The following EPHB1 variants were observed in gnomAD, a reference collection of about 807,000 sequenced individuals.
EPHB1 encodes the protein ephrin type-B receptor 1.
Under a neutral mutation model 94.4 loss-of-function variants are expected in EPHB1, and 30 were observed. That is an observed-to-expected ratio of 0.32 (90% CI 0.24 to 0.43). EPHB1 has a LOEUF of 0.43. EPHB1 is among the 20% of genes least tolerant of loss of function. EPHB1 has a pLI of 1.00. For synonymous variants in EPHB1, 522 were observed against 489.1 expected (o/e 1.07, Z -0.89); for missense variants, 1,055 against 1,308.3 (o/e 0.81, Z 2.99).
intron 3 of EPHB1, among the ~76,000 whole-genome samples, chr3:135,032,621 T>C (rs1936514931): frequency 6.6e-6 from 1 of 152,182 alleles, no homozygotes; most frequent in South Asian, 2.1e-4. Context: ...TCTATGTGAG[T>C]GGCGGGGGCT....
intron 6 of EPHB1, among the ~76,000 whole-genome samples, chr3:135,160,879 CAAAG>C (rs1427903871): frequency 6.6e-6 from 1 of 152,032 alleles, no homozygotes; most frequent in Non-Finnish European, 1.5e-5. Flanking sequence ...GCATTTTAGA[CAAAG>C]AAAAGAGCCT....
chr3:134,914,337 A>G (rs995916877), intron 1 of EPHB1, among the ~76,000 whole-genome samples: 4 of 152,260 alleles, frequency 2.6e-5, no homozygotes, highest in Non-Finnish European at 4.4e-5. Context: ...TGCTTGGTAA[A>G]TAATATTTTA....
chr3:135,183,991 C>G (rs1942262624), intron 10 of EPHB1, among the ~76,000 whole-genome samples: 1 of 152,126 alleles, frequency 6.6e-6, no homozygotes, highest in South Asian at 2.1e-4. Flanking sequence ...TCGCTAAAAC[C>G]TTGGAGGTGG....
At chr3:135,142,173 A>G (rs2107690647) in intron 5 of EPHB1, among the ~76,000 whole-genome samples, 1 of 151,944 alleles carries the variant, frequency 6.6e-6, no homozygotes, top group South Asian at 2.1e-4. Flanking sequence ...GTGAAGGGGG[A>G]AGTATTGGGG....
chr3:134,895,026 G>A (rs1184133569), intron 1 of EPHB1, among the ~76,000 whole-genome samples: 1 of 152,174 alleles, frequency 6.6e-6, no homozygotes, highest in East Asian at 1.9e-4. Context: ...CATTGAAACA[G>A]GCTTTTCACT....
chr3:134,987,616 T>C (rs765138272), intron 3 of EPHB1, among the ~76,000 whole-genome samples: 10 of 151,880 alleles, frequency 6.6e-5, no homozygotes, highest in Non-Finnish European at 1.5e-4. Flanking sequence ...AAAATAATAA[T>C]AATAATCAGC....
intron 13 of EPHB1, among the ~76,000 whole-genome samples, chr3:135,246,765 C>CCAGT (rs1261479196): frequency 6.6e-6 from 1 of 152,046 alleles, no homozygotes; most frequent in Non-Finnish European, 1.5e-5. Context: ...GTGAGTACTC[C>CCAGT]CAGTCACTGG....
At chr3:135,035,440 AT>A (rs1253103238) in intron 3 of EPHB1, among the ~76,000 whole-genome samples, 1 of 152,230 alleles carries the variant, frequency 6.6e-6, no homozygotes, top group Non-Finnish European at 1.5e-5. Flanking sequence ...CCAAGCCAGT[AT>A]TTCCAATAAT....
chr3:134,957,206 G>A (rs1933310581), intron 3 of EPHB1, among the ~76,000 whole-genome samples: 1 of 152,130 alleles, frequency 6.6e-6, no homozygotes, highest in African/African-American at 2.4e-5. Context: ...ATCCCCAGTT[G>A]CCTCCTTCTG....
At chr3:134,866,455 ACCTGCTG>A (rs1393360468) in intron 1 of EPHB1, among the ~76,000 whole-genome samples, 2 of 152,226 alleles carry the variant, frequency 1.3e-5, no homozygotes, top group Non-Finnish European at 2.9e-5. Flanking sequence ...CATGCCCAGT[ACCTGCTG>A]CCTGCTGCCC....
At chr3:135,015,362 T>C (rs930455916) in intron 3 of EPHB1, among the ~76,000 whole-genome samples, 4 of 152,044 alleles carry the variant, frequency 2.6e-5, no homozygotes, top group African/African-American at 9.7e-5. Context: ...TGCCTCAGCC[T>C]CCCAAGTAGC....
At chr3:134,967,535 A>G (rs917938176) in intron 3 of EPHB1, among the ~76,000 whole-genome samples, 8 of 152,078 alleles carry the variant, frequency 5.3e-5, no homozygotes, top group Non-Finnish European at 1.0e-4. Flanking sequence ...TAATAGTTAT[A>G]TTACAATGGT....
At chr3:135,220,308 G>A (rs538518612) in intron 12 of EPHB1, among the ~76,000 whole-genome samples, 4 of 152,170 alleles carry the variant, frequency 2.6e-5, no homozygotes, top group Non-Finnish European at 4.4e-5. Context: ...GGGGGAATAT[G>A]CAGGAATGAT....
intron 1 of EPHB1, among the ~76,000 whole-genome samples, chr3:134,872,895 C>T (rs1323659360): frequency 1.3e-5 from 2 of 152,144 alleles, no homozygotes; most frequent in Admixed American, 6.5e-5. Context: ...CCCAAGAAAA[C>T]CCAGCAGAGG....
At chr3:134,833,985 G>A (rs1234171073) in intron 1 of EPHB1, among the ~76,000 whole-genome samples, 1 of 152,132 alleles carries the variant, frequency 6.6e-6, no homozygotes, top group African/African-American at 2.4e-5. Flanking sequence ...ACCACTAAAG[G>A]GTTTTAGGCA....
Position 135,249,509 on chromosome 3 carries a change from C to A in EPHB1, c.2846+18C>A. The A allele has an allele frequency of 6.2e-7, 1 of 1,610,104 alleles. No homozygotes were observed. The highest frequency in any genetic ancestry group is 8.5e-7 in the Non-Finnish European group (1 of 1,177,856). ...ACATCAGAGTAAGTGATGAGAATCT[C>A]TCTGTCCAGACCACACCTAGGGGTC... is the stretch of plus-strand genomic sequence containing the variant. On this transcript the variant is annotated intron_variant, in intron 15 of 15. Coordinates refer to ENST00000398015, the MANE Select transcript of EPHB1 (RefSeq NM_004441.5).
In EPHB1 at chr3:134,951,567, AG is replaced by A; in HGVS notation, c.322del (p.Glu108ArgfsTer30). 6.2e-7 allele frequency: 1 copy of A among 1,613,978 alleles called. No homozygotes were observed. The highest frequency in any genetic ancestry group is 8.5e-7 in the Non-Finnish European group (1 of 1,179,892). ...SSLPNVPGSC[K>X]ETFNLYYYET... Reference sequence around the variant, plus strand: ...CTCCCTAATGTCCCAGGATCCTGCAAGGAGACCTTCAACTTGTATTACTATG... The same window carrying A: ...CTCCCTAATGTCCCAGGATCCTGCAAGAGACCTTCAACTTGTATTACTATG... On this transcript the variant is annotated frameshift_variant, in exon 3 of 16. Transcript: ENST00000398015. LOFTEE classifies it high-confidence loss of function. The surrounding 1 kb of genome is among the most constrained non-coding windows in gnomAD (Gnocchi z 4.5).
At chr3:134,817,141 T>A (rs536215995) in intron 1 of EPHB1, among the ~76,000 whole-genome samples, 35 of 152,162 alleles carry the variant, frequency 2.3e-4, no homozygotes, top group South Asian at 1.7e-3. Context: ...GTTTTTTTTT[T>A]AAATCAAATT....
intron 3 of EPHB1, among the ~76,000 whole-genome samples, chr3:135,084,960 G>A (rs1233811804): frequency 1.3e-5 from 2 of 152,194 alleles, no homozygotes; most frequent in African/African-American, 4.8e-5. Flanking sequence ...CCATTTCACA[G>A]ATGAGTTCTT....
Sources: allele counts gnomAD v4.1 joint callset (sites outside exome capture counted in the v4.1 genomes callset), GRCh38; gene constraint gnomAD v4.1.1; non-coding constraint Gnocchi (gnomAD v3.1); transcripts MANE v1.5; gene names NCBI Gene and HGNC (gene_info 2026-07-23, HGNC 2026-07-21).